The following S100PBP variants were observed in gnomAD, a reference collection of about 807,000 sequenced individuals.
S100PBP encodes S100P-binding protein.
Under a neutral mutation model 39.9 loss-of-function variants are expected in S100PBP, and 15 were observed. That is an observed-to-expected ratio of 0.38 (90% confidence interval 0.25 to 0.58). The LOEUF is 0.58. Ranked by LOEUF, S100PBP falls within the 20% of genes least tolerant of loss-of-function variation. The pLI, the probability that S100PBP is intolerant of heterozygous loss-of-function variation, is 0.70. For missense variants in S100PBP, 504 were observed against 487.3 expected, an observed-to-expected ratio of 1.03 and a Z score of -0.32; for synonymous variants, 178 against 180.3, an observed-to-expected ratio of 0.99 and a Z score of 0.10.
intron 5 of S100PBP, among the ~76,000 whole-genome samples, chr1:32,833,229 T>C (rs1437699821): frequency 6.6e-6 from 1 of 152,210 alleles, no homozygotes; most frequent in Non-Finnish European, 1.5e-5. Flanking sequence ...ATTCATTGCT[T>C]AGAAAATTTT....
chr1:32,843,303 ATCTTT>A, intron 5 of S100PBP: 1 of 137,086 alleles, frequency 7.3e-6, no homozygotes, highest in African/African-American at 2.6e-5. Flanking sequence ...TACAAATGAG[ATCTTT>A]TCTTTTTGTT....
chr1:32,840,087 C>T (rs1640016980), intron 5 of S100PBP, among the ~76,000 whole-genome samples: 1 of 152,110 alleles, frequency 6.6e-6, no homozygotes, highest in Non-Finnish European at 1.5e-5. Flanking sequence ...CAGGTTCAAG[C>T]GATTCTCCTG....
At chr1:32,837,908 T>C (rs1348838094) in intron 5 of S100PBP, among the ~76,000 whole-genome samples, 1 of 152,216 alleles carries the variant, frequency 6.6e-6, no homozygotes, top group African/African-American at 2.4e-5. Context: ...ATTTGGCTTA[T>C]GTTCAATTTT....
intron 5 of S100PBP, chr1:32,847,578 G>A (rs924704517): frequency 6.6e-6 from 1 of 151,994 alleles, no homozygotes; most frequent in African/African-American, 2.4e-5. Flanking sequence ...GTACTGTTGA[G>A]GACATTCATA....
chr1:32,823,294 TAAGTC>T (rs1198032883), intron 1 of S100PBP, among the ~76,000 whole-genome samples: 8 of 152,312 alleles, frequency 5.3e-5, no homozygotes, highest in African/African-American at 1.7e-4. Flanking sequence ...TAAATTTTCT[TAAGTC>T]AAAGAATGTT....
In S100PBP at chr1:32,858,010, T is replaced by C. The variant is rs1557522375; in HGVS notation, c.*1972T>C. ...GCCTACTTGGCATTTACTACATCGG[T>C]CACTTCTCCAGGCTGCCCTAAATTA... On this transcript the variant is annotated 3_prime_UTR_variant, in exon 7 of 7. Coordinates refer to ENST00000373475, the MANE Select transcript of S100PBP (RefSeq NM_022753.4). 1 of 152,236 alleles carries C rather than the reference T, an allele frequency of 6.6e-6. No homozygotes were observed. Among genetic ancestry groups the C allele is most frequent in the African/African-American group, 2.4e-5 (1 of 41,450 alleles). 9.4% of individuals were successfully genotyped at this position (152,236 alleles called of 1,614,324 possible). A position where few individuals can be genotyped will look rare whatever the true frequency, so the allele number is the denominator to read the frequency against.
intron 5 of S100PBP, among the ~76,000 whole-genome samples, chr1:32,841,729 C>CAAAAAA (rs56267418): frequency 1.8e-5 from 1 of 55,166 alleles, no homozygotes; most frequent in African/African-American, 6.2e-5. Flanking sequence ...AACTCTGTCT[C>CAAAAAA]AAAAAAAAAA....
At position 32,828,158 on chromosome 1, in the gene S100PBP, C is replaced by T. The variant is rs751357382; in HGVS notation, c.920+77C>T. The T allele has an allele frequency of 2.7e-4, 264 of 964,594 alleles. 1 individual carries two copies. Among genetic ancestry groups the T allele is most frequent in the Non-Finnish European group, 3.6e-4 (224 of 627,144 alleles). 59.8% of individuals were successfully genotyped at this position (964,594 alleles called of 1,614,324 possible). ...TCTTTCTTCCCCTCTCCAGTTTCCT[C>T]TTAGTGCAGGGAAAAAAATCCCTAC... On this transcript the variant is annotated intron_variant, in intron 4 of 6. Coordinates refer to ENST00000373475, the MANE Select transcript of S100PBP (RefSeq NM_022753.4).
At chr1:32,840,880 G>T in intron 5 of S100PBP, among the ~76,000 whole-genome samples, 1 of 151,624 alleles carries the variant, frequency 6.6e-6, no homozygotes, top group Non-Finnish European at 1.5e-5. Context: ...ATTATTTTCG[G>T]CCAGGCGCGG....
intron 5 of S100PBP, among the ~76,000 whole-genome samples, chr1:32,851,181 A>C (rs17464415): frequency 0.1 from 15,792 of 152,204 alleles, 911 homozygotes; most frequent in Admixed American, 0.17. Context: ...TTTCTCTACA[A>C]AGCTCTACTT....
intron 5 of S100PBP, chr1:32,852,780 T>C (rs1557516244): frequency 7.1e-6 from 2 of 282,548 alleles, no homozygotes; most frequent in Non-Finnish European, 1.4e-5. Context: ...TGTATAAACT[T>C]CATTGAGGTA....
intron 5 of S100PBP, among the ~76,000 whole-genome samples, chr1:32,841,508 TC>T (rs1300626009): frequency 6.6e-6 from 1 of 152,026 alleles, no homozygotes. Flanking sequence ...GGCAGGCAGA[TC>T]ACCTGAGGTC....
intron 5 of S100PBP, chr1:32,834,928 GT>G (rs1639750494): frequency 6.6e-6 from 1 of 152,018 alleles, no homozygotes; most frequent in East Asian, 1.9e-4. Context: ...ATCATCTGAG[GT>G]CAGGAGTTCA....
intron 4 of S100PBP, among the ~76,000 whole-genome samples, chr1:32,829,333 T>C (rs933731462): frequency 2.0e-5 from 3 of 152,260 alleles, no homozygotes; most frequent in Non-Finnish European, 4.4e-5. Context: ...TCAGTTTCAC[T>C]CTAGAAAGCT....
chr1:32,852,110 G>A (rs1208877887), intron 5 of S100PBP, among the ~76,000 whole-genome samples: 2 of 151,904 alleles, frequency 1.3e-5, no homozygotes, highest in Non-Finnish European at 2.9e-5. Flanking sequence ...GTCAGGAATT[G>A]GAGTCCAGCC....
rs2148643601 is a variant in S100PBP, at chr1:32,826,382, C to T, written c.283C>T (p.Pro95Ser). The T allele has an allele frequency of 6.2e-7, 1 of 1,614,096 alleles. No homozygotes were observed. Among genetic ancestry groups the T allele is most frequent in the Non-Finnish European group, 8.5e-7 (1 of 1,180,002 alleles). ...AGGGAGTCAAATTCTACTTGATACTCCCCGAGAGAAAAATTCATCGTACAG... is the reference window on the plus strand; with the variant it reads ...AGGGAGTCAAATTCTACTTGATACTTCCCGAGAGAAAAATTCATCGTACAG... ...ERGSQILLDT[P>S]REKNSSYSLG... is the part of the protein sequence containing the mutation. The change falls in exon 3 of 7, where the codon CCC becomes TCC. Residue 95 changes from proline (P) to serine (S), a missense_variant. By Grantham distance (74) the Pro-to-Ser change is moderately conservative. Coordinates refer to ENST00000373475, the MANE Select transcript of S100PBP (RefSeq NM_022753.4).
chr1:32,839,205 A>G (rs547850167), intron 5 of S100PBP, among the ~76,000 whole-genome samples: 2 of 152,312 alleles, frequency 1.3e-5, no homozygotes, highest in South Asian at 4.1e-4. Context: ...TACTCTAGGT[A>G]CCTCACATAA....
chr1:32,838,685 A>G (rs2148667033), intron 5 of S100PBP, among the ~76,000 whole-genome samples: 1 of 152,246 alleles, frequency 6.6e-6, no homozygotes, highest in Middle Eastern at 3.4e-3. Flanking sequence ...TCTACTAAAA[A>G]TACAAAAATT....
chr1:32,819,952 G>A (rs1638968377), intron 1 of S100PBP, among the ~76,000 whole-genome samples: 1 of 152,062 alleles, frequency 6.6e-6, no homozygotes, highest in African/African-American at 2.4e-5. Flanking sequence ...CCTCTATAAA[G>A]GATAGTTCAG....
Sources: allele counts gnomAD v4.1 joint callset (sites outside exome capture counted in the v4.1 genomes callset), GRCh38; gene constraint gnomAD v4.1.1; transcripts MANE v1.5; gene names NCBI Gene and HGNC (gene_info 2026-07-23, HGNC 2026-07-21).